Variants in FUT9 observed in about 807,000 individuals in gnomAD.
FUT9 encodes the protein fucosyltransferase 9.
A neutral mutation model predicts 29.7 loss-of-function variants in FUT9; 15 were observed. The observed-to-expected ratio is 0.51, with a 90% confidence interval of 0.34 to 0.78. The LOEUF is 0.78. Among genes scored for constraint, FUT9 ranks in the 30% least tolerant of loss-of-function variants. FUT9 has a pLI of 0.01. For synonymous variants in FUT9, 169 were observed against 153.7 expected, an observed-to-expected ratio of 1.10 and a Z score of -0.74; for missense variants, 319 against 425.4, an observed-to-expected ratio of 0.75 and a Z score of 2.20.
intron 1 of FUT9, among the ~76,000 whole-genome samples, chr6:96,066,770 A>T (rs992228928): frequency 6.6e-6 from 1 of 152,082 alleles, no homozygotes; most frequent in Non-Finnish European, 1.5e-5. Flanking sequence ...TGGGAAAGGC[A>T]TTACTTGCGG....
At chr6:96,153,351 T>C (rs1332256652) in intron 2 of FUT9, among the ~76,000 whole-genome samples, 1 of 152,158 alleles carries the variant, frequency 6.6e-6, no homozygotes, top group Non-Finnish European at 1.5e-5. Flanking sequence ...CTCTTGTCCT[T>C]AAAATCACAA....
At chr6:96,150,009 C>T (rs1275213192) in intron 2 of FUT9, among the ~76,000 whole-genome samples, 2 of 152,152 alleles carry the variant, frequency 1.3e-5, no homozygotes, top group African/African-American at 2.4e-5. Context: ...CATTACCCTT[C>T]CCAGCCTGTG....
intron 1 of FUT9, among the ~76,000 whole-genome samples, chr6:96,075,171 G>T (rs1331797451): frequency 6.6e-6 from 1 of 152,034 alleles, no homozygotes; most frequent in African/African-American, 2.4e-5. Flanking sequence ...TTTCTGCTTT[G>T]TCAGTTACTA....
Position 96,033,218 on chromosome 6 carries a change from C to T in FUT9, c.-98+17006C>T, listed in dbSNP as rs1053028161. 2.6e-5 allele frequency among the ~76,000 whole-genome samples: 4 copies of T among 151,808 alleles called. No individual in the cohort carries two copies. The East Asian group carries it at 7.8e-4, about 29-fold the overall frequency. On this transcript the variant is annotated intron_variant, in intron 1 of 2. Coordinates refer to ENST00000302103, the MANE Select transcript of FUT9 (RefSeq NM_006581.4). ...TTTGTTATCAGTAGTTTCATAACCA[C>T]TGCCAAGCTTTGTTCTAAGATTTTG...
At chr6:96,071,069 A>G (rs896902797) in intron 1 of FUT9, among the ~76,000 whole-genome samples, 17 of 152,358 alleles carry the variant, frequency 1.1e-4, no homozygotes, top group African/African-American at 4.1e-4. Context: ...CAGTCTATCA[A>G]GGTAGCTAAT....
intron 1 of FUT9, among the ~76,000 whole-genome samples, chr6:96,040,349 G>C (rs892015973): frequency 3.3e-5 from 5 of 152,076 alleles, no homozygotes; most frequent in Non-Finnish European, 7.4e-5. Context: ...GGTCTAAAAA[G>C]AGCACTGCTT....
At chr6:96,088,695 G>T (rs1316342302) in intron 1 of FUT9, among the ~76,000 whole-genome samples, 1 of 152,014 alleles carries the variant, frequency 6.6e-6, no homozygotes, top group Non-Finnish European at 1.5e-5. Context: ...ATAAATTATA[G>T]TTTTATATTT....
At chr6:96,079,283 C>T (rs1250296740) in intron 1 of FUT9, among the ~76,000 whole-genome samples, 1 of 152,110 alleles carries the variant, frequency 6.6e-6, no homozygotes, top group Non-Finnish European at 1.5e-5. Flanking sequence ...AAATACTGAG[C>T]TTTTTGGACA....
chr6:96,105,306 G>C (rs1771657691), intron 1 of FUT9, among the ~76,000 whole-genome samples: 1 of 151,996 alleles, frequency 6.6e-6, no homozygotes, highest in African/African-American at 2.4e-5. Context: ...TCAAACTATT[G>C]TATTTAATAT....
At chr6:96,124,048 T>A (rs1772083868) in intron 2 of FUT9, among the ~76,000 whole-genome samples, 1 of 152,074 alleles carries the variant, frequency 6.6e-6, no homozygotes, top group African/African-American at 2.4e-5. Context: ...ACTTATTTCC[T>A]ATTTTATTGT....
intron 2 of FUT9, among the ~76,000 whole-genome samples, chr6:96,123,966 T>C (rs749790874): frequency 7.9e-5 from 12 of 151,696 alleles, no homozygotes; most frequent in African/African-American, 1.5e-4. Flanking sequence ...GTAGTACCCA[T>C]TGAAAAGAGG....
chr6:96,119,840 G>A (rs1342287321), intron 2 of FUT9, among the ~76,000 whole-genome samples: 3 of 152,100 alleles, frequency 2.0e-5, no homozygotes, highest in Non-Finnish European at 4.4e-5. Flanking sequence ...TGACTTCTAA[G>A]GGAGCTTATT....
intron 2 of FUT9, among the ~76,000 whole-genome samples, chr6:96,186,410 C>G (rs1773406932): frequency 6.6e-6 from 1 of 152,076 alleles, no homozygotes; most frequent in African/African-American, 2.4e-5. Context: ...AATGCCCCAT[C>G]TAAGGTAATA....
chr6:96,110,115 C>T (rs1347858460), intron 1 of FUT9, among the ~76,000 whole-genome samples: 1 of 152,104 alleles, frequency 6.6e-6, no homozygotes, highest in African/African-American at 2.4e-5. Context: ...GGCTGCTTCT[C>T]TTCAGTGGGC....
Position 96,207,673 on chromosome 6 carries a change from A to G in FUT9, c.*3438A>G, listed in dbSNP as rs1450501234. ...CAACAAAATTGGTTTGCTGTTGATTATACAAACCAATAATTATGCCTAGAA... is the reference window on the plus strand; with the variant it reads ...CAACAAAATTGGTTTGCTGTTGATTGTACAAACCAATAATTATGCCTAGAA... On this transcript the variant is annotated 3_prime_UTR_variant, in exon 3 of 3. Transcript: ENST00000302103. 1.2e-5 allele frequency: 2 copies of G among 167,018 alleles called. No homozygotes were observed. Among genetic ancestry groups the G allele is most frequent in the Non-Finnish European group, 2.9e-5 (2 of 68,070 alleles). The allele number at this position is 167,018 out of a possible 1,614,324, so 10.3% of individuals were successfully genotyped here. A position where few individuals can be genotyped will look rare whatever the true frequency, so the allele number is the denominator to read the frequency against.
chr6:96,213,079 A>G lies in FUT9; in HGVS notation c.*8844A>G, dbSNP rs2127994165. Reference sequence around the variant, plus strand: ...CCTGGCACAGTGCACAAACTGCCATATATTCGTGCAGATGTTTTCTTCTTT... The same window carrying G: ...CCTGGCACAGTGCACAAACTGCCATGTATTCGTGCAGATGTTTTCTTCTTT... On this transcript the variant is annotated 3_prime_UTR_variant, in exon 3 of 3. Transcript: ENST00000302103. 2 of 167,044 alleles carry G rather than the reference A, an allele frequency of 1.2e-5. 1 individual carries two copies. Among genetic ancestry groups the G allele is most frequent in the Admixed American group, 1.3e-4 (2 of 15,260 alleles). The allele number at this position is 167,044 out of a possible 1,614,324, so 10.3% of individuals were successfully genotyped here.
chr6:96,059,671 C>T (rs1770838245), intron 1 of FUT9, among the ~76,000 whole-genome samples: 1 of 152,110 alleles, frequency 6.6e-6, no homozygotes. Flanking sequence ...CTGGTGTTAC[C>T]TTGGAAGATG....
intron 1 of FUT9, among the ~76,000 whole-genome samples, chr6:96,105,967 G>A (rs1771672557): frequency 6.6e-6 from 1 of 152,176 alleles, no homozygotes; most frequent in South Asian, 2.1e-4. Context: ...GAACAAACCA[G>A]TGTATCCTAA....
chr6:96,108,768 C>A (rs1771742267), intron 1 of FUT9, among the ~76,000 whole-genome samples: 1 of 152,166 alleles, frequency 6.6e-6, no homozygotes, highest in Non-Finnish European at 1.5e-5. Flanking sequence ...TTCCATTAAG[C>A]TTCCACCTTG....
Sources: allele counts gnomAD v4.1 joint callset (sites outside exome capture counted in the v4.1 genomes callset), GRCh38; gene constraint gnomAD v4.1.1; transcripts MANE v1.5; gene names NCBI Gene and HGNC (gene_info 2026-07-23, HGNC 2026-07-21).